SKI: variants seen among roughly 807,000 people sequenced by gnomAD.
SKI encodes SKI proto-oncogene.
SKI carries 23 observed loss-of-function variants against 59.3 expected under a neutral mutation model. The observed-to-expected ratio is 0.39, with a 90% CI of 0.28 to 0.55. The LOEUF (loss-of-function observed/expected upper bound fraction) is 0.55. SKI is among the 20% of genes least tolerant of loss of function. SKI has a pLI of 0.67. For synonymous variants in SKI, 673 were observed against 488.6 expected, an observed-to-expected ratio of 1.38 and a Z score of -4.98; for missense variants, 1,017 against 1,038.9, an observed-to-expected ratio of 0.98 and a Z score of 0.29.
chr1:2,240,707 C>G (rs967987220), intron 1 of SKI: 1 of 985,490 alleles, frequency 1.0e-6, no homozygotes, highest in Admixed American at 6.1e-5. Context: ...GAGGACAGTT[C>G]TAGATCCAGG....
At chr1:2,236,291 C>A (rs1281554459) in intron 1 of SKI, among the ~76,000 whole-genome samples, 3 of 152,184 alleles carry the variant, frequency 2.0e-5, no homozygotes, top group Non-Finnish European at 4.4e-5. Flanking sequence ...AGTTTGGGGG[C>A]CAGATTCAAT....
At chr1:2,263,030 G>T (rs1639421331) in intron 1 of SKI, among the ~76,000 whole-genome samples, 1 of 151,768 alleles carries the variant, frequency 6.6e-6, no homozygotes, top group Non-Finnish European at 1.5e-5. Flanking sequence ...CTCCTAAGTT[G>T]CTGGGATAAC....
chr1:2,280,604 GAAGATGCC>G (rs1639854866), intron 1 of SKI, among the ~76,000 whole-genome samples: 1 of 148,560 alleles, frequency 6.7e-6, no homozygotes, highest in African/African-American at 2.5e-5. Flanking sequence ...TCTTCAGAGA[GAAGATGCC>G]CGAGAAGACA....
intron 1 of SKI, among the ~76,000 whole-genome samples, chr1:2,301,385 G>A (rs1640420928): frequency 1.3e-5 from 2 of 152,222 alleles, no homozygotes; most frequent in Admixed American, 6.5e-5. Flanking sequence ...GCCTTCAGGG[G>A]CTGCCTGCCC....
chr1:2,247,772 G>A (rs1182701668), intron 1 of SKI, among the ~76,000 whole-genome samples: 1 of 152,212 alleles, frequency 6.6e-6, no homozygotes, highest in Non-Finnish European at 1.5e-5. Flanking sequence ...GGCCCCACAG[G>A]TGCCCTTGGG....
At chr1:2,241,607 A>C (rs557792175) in intron 1 of SKI, among the ~76,000 whole-genome samples, 85 of 151,894 alleles carry the variant, frequency 5.6e-4, no homozygotes, top group African/African-American at 2.0e-3. Flanking sequence ...TTTAGCCAGG[A>C]TGGTCTCGAT....
At position 2,303,094 on chromosome 1, in the gene SKI, T is replaced by G; in HGVS notation, c.1086T>G (p.Ser362=). Residue 362 remains serine (S), a synonymous_variant, in exon 2 of 7, where the codon TCT becomes TCG. Coordinates refer to ENST00000378536, the MANE Select transcript of SKI (RefSeq NM_003036.4). The surrounding 1 kb of genome is among the most constrained non-coding windows in gnomAD (Gnocchi z 5.6). Reference sequence around the variant, plus strand: ...GCTGGCTGCGGACCTTGGCCGGCTCTTCCAATAAGGTGCTGTGGGGCCTGT... The same window carrying G: ...GCTGGCTGCGGACCTTGGCCGGCTCGTCCAATAAGGTGCTGTGGGGCCTGT... ...PSSWLRTLAG[S]SNKSLGCVHP... is the part of the protein sequence containing the mutation. 6.2e-7 allele frequency: 1 copy of G among 1,613,350 alleles called. No individual in the cohort carries two copies. Among genetic ancestry groups the G allele is most frequent in the Non-Finnish European group, 8.5e-7 (1 of 1,180,020 alleles).
chr1:2,275,844 C>T (rs1226604491), intron 1 of SKI, among the ~76,000 whole-genome samples: 2 of 152,168 alleles, frequency 1.3e-5, no homozygotes, highest in African/African-American at 2.4e-5. Context: ...GGACCTGGCC[C>T]CTGGCTCTTT....
At chr1:2,262,157 A>C (rs1639401463) in intron 1 of SKI, among the ~76,000 whole-genome samples, 1 of 125,676 alleles carries the variant, frequency 8.0e-6, no homozygotes, top group Admixed American at 8.5e-5. Context: ...GAGTGGTGGG[A>C]GTGGACACCC....
chr1:2,239,895 C>T (rs1638828942), intron 1 of SKI, among the ~76,000 whole-genome samples: 1 of 152,242 alleles, frequency 6.6e-6, no homozygotes, highest in African/African-American at 2.4e-5. Flanking sequence ...CCCACTGCTG[C>T]TTCAGCTGCG....
At chr1:2,230,693 C>G (rs531417900) in intron 1 of SKI, among the ~76,000 whole-genome samples, 10 of 152,164 alleles carry the variant, frequency 6.6e-5, no homozygotes, top group Non-Finnish European at 1.5e-4. Flanking sequence ...CTTTCCGTTG[C>G]GTACCTCCCC....
intron 1 of SKI, among the ~76,000 whole-genome samples, chr1:2,259,422 G>A (rs546853273): frequency 2.6e-5 from 4 of 152,202 alleles, no homozygotes; most frequent in East Asian, 1.9e-4. Flanking sequence ...GACAGAAGCC[G>A]TGGTGGTTTC....
At chr1:2,239,949 G>A (rs1227588090) in intron 1 of SKI, among the ~76,000 whole-genome samples, 2 of 152,160 alleles carry the variant, frequency 1.3e-5, no homozygotes, top group African/African-American at 2.4e-5. Flanking sequence ...ACCCCTGTTC[G>A]GTTCCCTGAC....
At chr1:2,257,423 T>G (rs1639296966) in intron 1 of SKI, among the ~76,000 whole-genome samples, 1 of 152,238 alleles carries the variant, frequency 6.6e-6, no homozygotes, top group African/African-American at 2.4e-5. Context: ...CTGCAAGGCC[T>G]CCCCTCCCAT....
intron 1 of SKI, among the ~76,000 whole-genome samples, chr1:2,290,730 C>T (rs546010389): frequency 1.3e-5 from 2 of 152,292 alleles, no homozygotes; most frequent in East Asian, 3.9e-4. Flanking sequence ...CCTTCTGCCC[C>T]AGCTAGCGCT....
chr1:2,290,071 T>C (rs1315151831), intron 1 of SKI, among the ~76,000 whole-genome samples: 2 of 151,768 alleles, frequency 1.3e-5, no homozygotes, highest in African/African-American at 2.4e-5. Flanking sequence ...GCGCCGGGGG[T>C]CCCTGTTGGT....
At chr1:2,242,028 C>T (rs543503908) in intron 1 of SKI, among the ~76,000 whole-genome samples, 10 of 152,210 alleles carry the variant, frequency 6.6e-5, no homozygotes, top group Non-Finnish European at 8.8e-5. Context: ...GGGACAGTCC[C>T]GCGTGCTGAC....
In SKI at chr1:2,306,900, G is replaced by GTT. The variant is rs1004311037; in HGVS notation, c.*137_*138dup. On this transcript the variant is annotated 3_prime_UTR_variant, in exon 7 of 7. Coordinates refer to ENST00000378536, the MANE Select transcript of SKI (RefSeq NM_003036.4). ...TTACCGTGCCTATTACCAAGCGAGT[G>GTT]TTTGTAACCATGTAGTTTTGGAACC... The GTT allele has an allele frequency of 1.1e-4, 62 of 584,198 alleles. No individual in the cohort carries two copies. In the East Asian group the frequency reaches 3.1e-3, roughly 29 times the overall value. 36.2% of individuals were successfully genotyped at this position (584,198 alleles called of 1,614,324 possible).
chr1:2,246,815 G>A lies in SKI; in HGVS notation c.969+17080G>A, dbSNP rs779950615. 1.1e-3 allele frequency among the ~76,000 whole-genome samples: 168 copies of A among 151,956 alleles called. 2 individuals carry two copies. Among genetic ancestry groups the A allele is most frequent in the Non-Finnish European group, 1.4e-3 (93 of 67,990 alleles). The stretch of plus-strand genomic sequence containing the variant: ...GCTCTTCTGTGAAGGGGCACCTACC[G>A]TGTGCCTGGCCTGTAGCAGCAGCAA... On this transcript the variant is annotated intron_variant, in intron 1 of 6. Transcript: ENST00000378536.
Sources: allele counts gnomAD v4.1 joint callset (sites outside exome capture counted in the v4.1 genomes callset), GRCh38; gene constraint gnomAD v4.1.1; non-coding constraint Gnocchi (gnomAD v3.1); transcripts MANE v1.5; gene names NCBI Gene and HGNC (gene_info 2026-07-23, HGNC 2026-07-21).